AK4: variants seen among roughly 807,000 people sequenced by gnomAD.
AK4 encodes the protein adenylate kinase 4.
A neutral mutation model predicts 24.6 loss-of-function variants in AK4; 13 were observed. That is an observed-to-expected ratio of 0.53 (90% CI 0.34 to 0.84). The LOEUF is 0.84. Ranked by LOEUF, AK4 falls within the 40% of genes least tolerant of loss-of-function variation. The probability of loss-of-function intolerance (pLI) is 0.01; values close to 1 mark genes in which losing one functional copy is unlikely to be tolerated. For synonymous variants in AK4, 88 were observed against 107.0 expected, an observed-to-expected ratio of 0.82 and a Z score of 1.10; for missense variants, 192 against 288.2, an observed-to-expected ratio of 0.67 and a Z score of 2.42.
At chr1:65,150,226 G>A (rs1649721259) in intron 1 of AK4, among the ~76,000 whole-genome samples, 1 of 151,802 alleles carries the variant, frequency 6.6e-6, no homozygotes, top group Non-Finnish European at 1.5e-5. Flanking sequence ...CACTTTCTTA[G>A]GGGCTTTGAA....
chr1:65,148,265 C>T lies in AK4; in HGVS notation c.-143C>T. The T allele has an allele frequency of 1.6e-6, 2 of 1,263,912 alleles. No homozygotes were observed. The highest frequency in any genetic ancestry group is 2.1e-6 in the Non-Finnish European group (2 of 942,078). 78.3% of individuals were successfully genotyped at this position (1,263,912 alleles called of 1,614,324 possible). On this transcript the variant is annotated 5_prime_UTR_variant, in exon 1 of 5. Transcript: ENST00000327299. ...GGAGGGGTTGTCTTAAAAGTCTCTC[C>T]TTCCCCCTGTAGGGGCGGCCGGCGA... is the stretch of plus-strand genomic sequence containing the variant.
At chr1:65,199,927 A>G (rs1244525021) in intron 2 of AK4, among the ~76,000 whole-genome samples, 4 of 152,224 alleles carry the variant, frequency 2.6e-5, no homozygotes, top group Non-Finnish European at 4.4e-5. Flanking sequence ...TTTTCCTATT[A>G]GAGATACTCG....
intron 1 of AK4, among the ~76,000 whole-genome samples, chr1:65,172,591 C>T (rs1277262211): frequency 6.6e-6 from 1 of 152,058 alleles, no homozygotes; most frequent in Non-Finnish European, 1.5e-5. Flanking sequence ...GGGCCTGATG[C>T]ACTACAGGCG....
At chr1:65,216,065 T>C (rs562000414) in intron 2 of AK4, among the ~76,000 whole-genome samples, 3 of 152,322 alleles carry the variant, frequency 2.0e-5, no homozygotes, top group South Asian at 2.1e-4. Context: ...AAGGTTGAAT[T>C]TACATCTTCA....
At chr1:65,189,460 TAG>T in intron 1 of AK4, among the ~76,000 whole-genome samples, 1 of 152,038 alleles carries the variant, frequency 6.6e-6, no homozygotes, top group South Asian at 2.1e-4. Context: ...GTATTTTTAG[TAG>T]AGACAGGGTT....
chr1:65,208,819 C>A (rs58038979), intron 2 of AK4, among the ~76,000 whole-genome samples: 6,075 of 152,266 alleles, frequency 0.04, 382 homozygotes, highest in African/African-American at 0.14. Flanking sequence ...ACTTTCTATT[C>A]CCCACCACTG....
chr1:65,208,629 A>G (rs75208788), intron 2 of AK4, among the ~76,000 whole-genome samples: 7,231 of 152,264 alleles, frequency 0.047, 328 homozygotes, highest in African/African-American at 0.11. Flanking sequence ...CTGATGTCGC[A>G]TAGCCTTTTC....
At chr1:65,213,946 G>A (rs1176412617) in intron 2 of AK4, among the ~76,000 whole-genome samples, 1 of 152,224 alleles carries the variant, frequency 6.6e-6, no homozygotes, top group Non-Finnish European at 1.5e-5. Context: ...ACCATGTGAA[G>A]GCAGCAGGAG....
At chr1:65,151,729 C>T (rs1649777623) in intron 1 of AK4, among the ~76,000 whole-genome samples, 1 of 152,124 alleles carries the variant, frequency 6.6e-6, no homozygotes. Context: ...AGCATAGAGA[C>T]CATTTTGTTT....
chr1:65,161,815 C>T (rs967492358), intron 1 of AK4, among the ~76,000 whole-genome samples: 3 of 152,122 alleles, frequency 2.0e-5, no homozygotes, highest in Non-Finnish European at 4.4e-5. Flanking sequence ...CTGATATCTT[C>T]TGGAAGTACT....
At position 65,159,094 on chromosome 1, in the gene AK4, A is replaced by G. The variant is rs547333566; in HGVS notation, c.145+10542A>G. 5.3e-5 allele frequency among the ~76,000 whole-genome samples: 8 copies of G among 152,338 alleles called. No homozygotes were observed. In the South Asian group the frequency reaches 6.2e-4, roughly 12 times the overall value. Reference sequence around the variant, plus strand: ...GATAATACTGAAATAATGCAGAGTCATTCTTGTTTATCATCTAACTTCCAA... The same window carrying G: ...GATAATACTGAAATAATGCAGAGTCGTTCTTGTTTATCATCTAACTTCCAA... On this transcript the variant is annotated intron_variant, in intron 1 of 4. Transcript: ENST00000327299.
In AK4 at chr1:65,230,133, C is replaced by T. The variant is rs1240747200; in HGVS notation, c.*3956C>T. 6.6e-6 allele frequency: 1 copy of T among 152,208 alleles called. No homozygotes were observed. Among genetic ancestry groups the T allele is most frequent in the East Asian group, 1.9e-4 (1 of 5,194 alleles). The allele number at this position is 152,208 out of a possible 1,614,324, so 9.4% of individuals were successfully genotyped here. ...AGATTCACTTCCTGTCTTGTCCTTC[C>T]CCAGGGATCACCCCCCTGCTGCCCT... On this transcript the variant is annotated 3_prime_UTR_variant, in exon 5 of 5. Coordinates refer to ENST00000327299, the MANE Select transcript of AK4 (RefSeq NM_013410.4).
chr1:65,199,948 C>T lies in AK4; in HGVS notation c.265+9119C>T, dbSNP rs550672071. On this transcript the variant is annotated intron_variant, in intron 2 of 4. Transcript: ENST00000327299. Reference sequence around the variant, plus strand: ...TATTAGAGATACTCGTACTTTCTAACATGATAAGTATTTGGATATTCTCAA... The same window carrying T: ...TATTAGAGATACTCGTACTTTCTAATATGATAAGTATTTGGATATTCTCAA... Among the ~76,000 whole-genome samples, 295 of 152,208 alleles carry T rather than the reference C, an allele frequency of 1.9e-3. 9 individuals are homozygous for T. In the South Asian group the frequency reaches 0.059, roughly 31 times the overall value.
intron 3 of AK4, among the ~76,000 whole-genome samples, chr1:65,222,674 G>T (rs1199078036): frequency 6.6e-6 from 1 of 152,276 alleles, no homozygotes; most frequent in Non-Finnish European, 1.5e-5. Context: ...GTCATGTTGG[G>T]TTAACAACCA....
At chr1:65,151,259 A>C (rs1395879285) in intron 1 of AK4, among the ~76,000 whole-genome samples, 1 of 151,918 alleles carries the variant, frequency 6.6e-6, no homozygotes. Flanking sequence ...GAGCCACCGC[A>C]CCTGACCTCC....
At position 65,226,572 on chromosome 1, in the gene AK4, A is replaced by C. The variant is rs1249914270; in HGVS notation, c.*395A>C. Reference sequence around the variant, plus strand: ...ACAAAGGCTGTTGAACCACAGCACCAGGAAGCCTGAGAATGAATCCTGAGG... The same window carrying C: ...ACAAAGGCTGTTGAACCACAGCACCCGGAAGCCTGAGAATGAATCCTGAGG... On this transcript the variant is annotated 3_prime_UTR_variant, in exon 5 of 5. Coordinates refer to ENST00000327299, the MANE Select transcript of AK4 (RefSeq NM_013410.4). 6.1e-6 allele frequency: 1 copy of C among 162,802 alleles called. No homozygotes were observed. Among genetic ancestry groups the C allele is most frequent in the Non-Finnish European group, 1.3e-5 (1 of 74,594 alleles). The allele number at this position is 162,802 out of a possible 1,614,324, so 10.1% of individuals were successfully genotyped here.
chr1:65,181,716 T>G (rs921188456), intron 1 of AK4, among the ~76,000 whole-genome samples: 4 of 152,150 alleles, frequency 2.6e-5, no homozygotes, highest in Non-Finnish European at 4.4e-5. Flanking sequence ...TTTTTATTTT[T>G]GGGTTGTGCC....
intron 1 of AK4, among the ~76,000 whole-genome samples, chr1:65,168,235 C>T (rs112698611): frequency 0.043 from 6,533 of 151,602 alleles, 354 homozygotes; most frequent in African/African-American, 0.14. Flanking sequence ...GCAACTCCGC[C>T]TCCCGGGTTC....
chr1:65,174,346 A>G (rs1292344485), intron 1 of AK4, among the ~76,000 whole-genome samples: 1 of 152,118 alleles, frequency 6.6e-6, no homozygotes, highest in Non-Finnish European at 1.5e-5. Context: ...TAAGAATACA[A>G]GGAACTCGTT....
Sources: allele counts gnomAD v4.1 joint callset (sites outside exome capture counted in the v4.1 genomes callset), GRCh38; gene constraint gnomAD v4.1.1; transcripts MANE v1.5; gene names NCBI Gene and HGNC (gene_info 2026-07-23, HGNC 2026-07-21).